Variants in EPHB4 observed in about 807,000 individuals in gnomAD.
EPHB4 encodes the protein EPH receptor B4.
A neutral mutation model predicts 110.6 loss-of-function variants in EPHB4; 50 were observed. That is an observed-to-expected ratio of 0.45 (90% CI 0.36 to 0.57). The LOEUF is 0.57. Among genes scored for constraint, EPHB4 ranks in the 20% least tolerant of loss-of-function variants. The pLI, the probability that EPHB4 is intolerant of heterozygous loss-of-function variation, is 0.00. For synonymous variants in EPHB4, 592 were observed against 578.4 expected, an observed-to-expected ratio of 1.02 and a Z score of -0.34; for missense variants, 1,128 against 1,382.1, an observed-to-expected ratio of 0.82 and a Z score of 2.91.
chr7:100,804,964 G>T (rs929089491), intron 16 of EPHB4, among the ~76,000 whole-genome samples: 7 of 152,224 alleles, frequency 4.6e-5, no homozygotes, highest in African/African-American at 1.7e-4. Context: ...AGGCGGGCAG[G>T]CTGGCCCCAA....
intron 2 of EPHB4, 101 bp downstream of exon 2, chr7:100,824,102 G>T: frequency 1.3e-6 from 2 of 1,559,462 alleles, no homozygotes; most frequent in Non-Finnish European, 1.8e-6. Flanking sequence ...GTCATCTGGG[G>T]GGACAGGGGA....
At chr7:100,813,598 G>A (rs1165720386) in intron 10 of EPHB4, 54 bp downstream of exon 10, 15 of 1,597,268 alleles carry the variant, frequency 9.4e-6, no homozygotes, top group Non-Finnish European at 1.1e-5. Flanking sequence ...TTATAGATAG[G>A]AGCCACCACA....
intron 7 of EPHB4, among the ~76,000 whole-genome samples, chr7:100,817,861 T>TTTG (rs1813118569): frequency 8.9e-6 from 1 of 111,816 alleles, no homozygotes; most frequent in Admixed American, 8.7e-5. Flanking sequence ...TTTTTTGCGT[T>TTTG]TTTTTTTTTT....
At chr7:100,824,424 C>T (rs1813320641) in intron 1 of EPHB4, 151 bp from the exon 2 acceptor site, 10 of 751,680 alleles carry the variant, frequency 1.3e-5, no homozygotes, top group Non-Finnish European at 2.2e-5. Context: ...GCCCTCTGCA[C>T]CCGCCTGATT....
intron 3 of EPHB4, 103 bp downstream of exon 3, chr7:100,823,541 C>A: frequency 6.9e-7 from 1 of 1,447,472 alleles, no homozygotes; most frequent in Non-Finnish European, 9.3e-7. Context: ...CCCCAGCGCG[C>A]GGGCCAGAGG....
rs538766032 is a variant in EPHB4 at position 100,819,664 on chromosome 7, C to T, written c.1190G>A (p.Arg397His). 3.7e-5 allele frequency: 59 copies of T among 1,613,758 alleles called. No individual in the cohort carries two copies. The highest frequency in any genetic ancestry group is 6.7e-5 in the Admixed American group (4 of 60,006). The change falls in exon 6 of 17, where the codon CGT becomes CAT. Residue 397 changes from arginine (R) to histidine (H), a missense_variant. Transcript: ENST00000358173. Reference sequence around the variant, plus strand: ...CTCAAAGGTATAGGTGAAGTCAGGACGTAGCCCTCGAACCACCACCCAGGG... The same window carrying T: ...CTCAAAGGTATAGGTGAAGTCAGGATGTAGCCCTCGAACCACCACCCAGGG... ...VEPWVVVRGL[R>H]PDFTYTFEVT...
Position 100,805,528 on chromosome 7 carries a change from A to G in EPHB4, c.2651T>C (p.Leu884Pro). 2 of 1,524,340 alleles carry G rather than the reference A, an allele frequency of 1.3e-6. No homozygotes were observed. The highest frequency in any genetic ancestry group is 1.8e-6 in the Non-Finnish European group (2 of 1,136,502). The allele number at this position is 1,524,340 out of a possible 1,614,324, so 94.4% of individuals were successfully genotyped here. A position where few individuals can be genotyped will look rare whatever the true frequency, so the allele number is the denominator to read the frequency against. Reference protein sequence around the residue: ...LDKMIRNPASLKIVARENGGA... With the variant: ...LDKMIRNPASPKIVARENGGA... ...GCCATTCTCCCGGGCCACGATTTTG[A>G]GGCTGGCGGGGTTCCGGATCATCTT... The change falls in exon 15 of 17, where the codon CTC (leucine) becomes CCC (proline). Residue 884 changes from leucine (L) to proline (P), a missense_variant. Physicochemically the swap from Leu to Pro is moderately conservative, Grantham distance 98. Coordinates refer to ENST00000358173, the MANE Select transcript of EPHB4 (RefSeq NM_004444.5).
chr7:100,817,150 G>T, intron 8 of EPHB4, 42 bp downstream of exon 8: 2 of 1,462,184 alleles, frequency 1.4e-6, no homozygotes, highest in Non-Finnish European at 9.0e-7. Flanking sequence ...GAACTTTGGG[G>T]GTCTTTCCAA....
At chr7:100,823,603 C>T (rs1246266655) in intron 3 of EPHB4, 41 bp downstream of exon 3, 1 of 1,593,562 alleles carries the variant, frequency 6.3e-7, no homozygotes, top group East Asian at 2.2e-5. Context: ...TGGCTGGAAT[C>T]CCACCTTGGC....
At chr7:100,804,567 G>A (rs1293042430) in intron 16 of EPHB4, among the ~76,000 whole-genome samples, 1 of 150,836 alleles carries the variant, frequency 6.6e-6, no homozygotes. Context: ...TGCCCACCTC[G>A]GCCTCCCAAA....
chr7:100,821,887 G>C (rs181138429), intron 4 of EPHB4, among the ~76,000 whole-genome samples: 1 of 151,872 alleles, frequency 6.6e-6, no homozygotes, highest in East Asian at 2.0e-4. Flanking sequence ...CCAGCTGGGT[G>C]TGGTGACGCA....
At chr7:100,825,889 G>A (rs574115114) in intron 1 of EPHB4, among the ~76,000 whole-genome samples, 2 of 152,062 alleles carry the variant, frequency 1.3e-5, no homozygotes, top group East Asian at 1.9e-4. Context: ...TCTTCCCCTC[G>A]TTCATGGTTT....
chr7:100,824,544 A>C, intron 1 of EPHB4: 16 of 458,652 alleles, frequency 3.5e-5, no homozygotes, highest in East Asian at 1.1e-4. Flanking sequence ...GGAGATCAAA[A>C]TGTACGGGGA....
In EPHB4 at chr7:100,818,430, A is replaced by G. The variant is rs73170800; in HGVS notation, c.1422+90T>C. ...GAATCCATGGCAGAGCTGGAATTCA[A>G]ATGCCTGCCAGGTGCCTGCAACCCA... is the stretch of plus-strand genomic sequence containing the variant. On this transcript the variant is annotated intron_variant, in intron 7 of 16. Coordinates refer to ENST00000358173, the MANE Select transcript of EPHB4 (RefSeq NM_004444.5). The G allele has an allele frequency of 0.079, 122,060 of 1,553,518 alleles. 5,189 individuals carry two copies. The highest frequency in any genetic ancestry group is 0.13 in the African/African-American group (9,727 of 73,878).
At position 100,803,288 on chromosome 7, in the gene EPHB4, T is replaced by G. The variant is rs1812737514; in HGVS notation, c.*173A>C. 1 of 783,668 alleles carries G rather than the reference T, an allele frequency of 1.3e-6. No homozygotes were observed. The highest frequency in any genetic ancestry group is 3.7e-5 in the South Asian group (1 of 27,200). The allele number at this position is 783,668 out of a possible 1,614,324, so 48.5% of individuals were successfully genotyped here. ...CCCCGAGGTGGCTGGGGGGTGATTTTCCCCTCCTATTATGGCAGAACCCCC... is the reference window on the plus strand; with the variant it reads ...CCCCGAGGTGGCTGGGGGGTGATTTGCCCCTCCTATTATGGCAGAACCCCC... On this transcript the variant is annotated 3_prime_UTR_variant, in exon 17 of 17. Transcript: ENST00000358173.
At position 100,823,869 on chromosome 7, in the gene EPHB4, G is replaced by C. The variant is rs777749349; in HGVS notation, c.186C>G (p.Asp62Glu). 1 of 1,611,916 alleles carries C rather than the reference G, an allele frequency of 6.2e-7. No homozygotes were observed. Among genetic ancestry groups the C allele is most frequent in the Non-Finnish European group, 8.5e-7 (1 of 1,179,416 alleles). ...GGGCCTGGCCCGGGGCACGCTGCAC[G>C]TCACACACTTCGTAGGTGCGCACGC... Reference protein sequence around the residue: ...QHSVRTYEVCDVQRAPGQAHW... With the variant: ...QHSVRTYEVCEVQRAPGQAHW... The change falls in exon 3 of 17, where the codon GAC becomes GAG. Residue 62 changes from aspartate to glutamate, a missense_variant. This residue lies in a region of EPHB4 where 728 missense variants were observed against 828.6 expected (regional missense o/e 0.88). Coordinates refer to ENST00000358173, the MANE Select transcript of EPHB4 (RefSeq NM_004444.5).
intron 8 of EPHB4, among the ~76,000 whole-genome samples, chr7:100,815,705 T>A (rs1477198915): frequency 2.0e-5 from 3 of 151,876 alleles, no homozygotes; most frequent in Admixed American, 2.0e-4. Flanking sequence ...ACTGGTCCAA[T>A]GCTGGGTGTG....
Position 100,823,882 on chromosome 7 carries a change from T to C in EPHB4, c.173A>G (p.Tyr58Cys). 6.2e-7 allele frequency: 1 copy of C among 1,609,992 alleles called. No individual in the cohort carries two copies. The highest frequency in any genetic ancestry group is 8.5e-7 in the Non-Finnish European group (1 of 1,178,536). ...GGCACGCTGCACGTCACACACTTCG[T>C]AGGTGCGCACGCTGTGCTGTTCCTC... is the stretch of plus-strand genomic sequence containing the variant. ...LDEEQHSVRT[Y>C]EVCDVQRAPG... is the part of the protein sequence containing the mutation. Residue 58 changes from tyrosine to cysteine, a missense_variant, in exon 3 of 17, where the codon TAC becomes TGC. Transcript: ENST00000358173.
intron 6 of EPHB4, among the ~76,000 whole-genome samples, chr7:100,818,866 T>C (rs1166922609): frequency 2.0e-5 from 3 of 152,102 alleles, no homozygotes; most frequent in South Asian, 4.2e-4. Flanking sequence ...TGGCTAATTT[T>C]TTTATTTTTA....
Sources: gnomAD v4.1 joint callset for allele counts (sites outside exome capture counted in the v4.1 genomes callset) on GRCh38, gnomAD v4.1.1 for gene constraint, gnomAD v4.1.1 regional missense constraint, MANE v1.5 for transcripts, NCBI Gene and HGNC (gene_info 2026-07-23, HGNC 2026-07-21) for gene names.